IKZF2: variants seen among roughly 807,000 people sequenced by gnomAD.
IKZF2 encodes the protein zinc finger protein Helios.
Under a neutral mutation model 49.2 loss-of-function variants are expected in IKZF2, and 15 were observed. The ratio of observed to expected loss-of-function variants is 0.30; its 90% CI spans 0.20 to 0.47. IKZF2 has a LOEUF of 0.47. IKZF2 is among the 20% of genes least tolerant of loss of function. IKZF2 has a pLI of 1.00. For synonymous variants in IKZF2, 227 were observed against 221.4 expected, an observed-to-expected ratio of 1.03 and a Z score of -0.23; for missense variants, 567 against 664.6, an observed-to-expected ratio of 0.85 and a Z score of 1.61.
intron 4 of IKZF2, among the ~76,000 whole-genome samples, chr2:213,088,889 A>C (rs1704980323): frequency 6.6e-6 from 1 of 152,216 alleles, no homozygotes; most frequent in South Asian, 2.1e-4. Flanking sequence ...TTACCTTCAA[A>C]GAACCCAGTG....
In IKZF2 at chr2:213,002,419, TCCA is replaced by T. The variant is rs1330891314; in HGVS notation, c.*4938_*4940del. The T allele has an allele frequency of 6.6e-6, 1 of 151,466 alleles. No homozygotes were observed. Among genetic ancestry groups the T allele is most frequent in the East Asian group, 1.9e-4 (1 of 5,178 alleles). 9.4% of individuals were successfully genotyped at this position (151,466 alleles called of 1,614,324 possible). On this transcript the variant is annotated 3_prime_UTR_variant, in exon 9 of 9. Coordinates refer to ENST00000434687, the MANE Select transcript of IKZF2 (RefSeq NM_001387220.1). ...TATTACATAAAAACCTTATGGAAAT[TCCA>T]AAGTTTAAGGTTTCTGCAATAAATG...
intron 4 of IKZF2, among the ~76,000 whole-genome samples, chr2:213,107,490 T>A (rs1559283457): frequency 6.6e-6 from 1 of 152,184 alleles, no homozygotes; most frequent in Non-Finnish European, 1.5e-5. Context: ...CTCTAAATGT[T>A]TTTCTCACTG....
At chr2:213,040,475 C>G (rs1311115429) in intron 6 of IKZF2, among the ~76,000 whole-genome samples, 1 of 151,934 alleles carries the variant, frequency 6.6e-6, no homozygotes, top group African/African-American at 2.4e-5. Context: ...AAATTATACA[C>G]TCTTCTGTTT....
chr2:213,014,456 A>C (rs992251585), intron 7 of IKZF2: 1 of 152,432 alleles, frequency 6.6e-6, no homozygotes, highest in African/African-American at 2.4e-5. Context: ...AGTAGCTTAA[A>C]TACCTGCACC....
At chr2:213,019,075 A>G (rs966964288) in intron 7 of IKZF2, among the ~76,000 whole-genome samples, 1 of 152,184 alleles carries the variant, frequency 6.6e-6, no homozygotes, top group Non-Finnish European at 1.5e-5. Context: ...AATGTTCTAT[A>G]TAACTTGGCA....
intron 4 of IKZF2, among the ~76,000 whole-genome samples, chr2:213,075,221 G>C (rs1703127981): frequency 6.6e-6 from 1 of 152,020 alleles, no homozygotes; most frequent in Non-Finnish European, 1.5e-5. Flanking sequence ...AATCTCACTG[G>C]GAAAAGTTTT....
At chr2:213,138,837 T>G (rs2060769764) in intron 4 of IKZF2, among the ~76,000 whole-genome samples, 1 of 152,024 alleles carries the variant, frequency 6.6e-6, no homozygotes, top group Non-Finnish European at 1.5e-5. Context: ...TGAGACTGGT[T>G]TGGTGTTTTT....
chr2:213,089,430 C>A (rs1241590549), intron 4 of IKZF2, among the ~76,000 whole-genome samples: 1 of 152,154 alleles, frequency 6.6e-6, no homozygotes, highest in Non-Finnish European at 1.5e-5. Flanking sequence ...TGTCCACTCT[C>A]CACATGGGAC....
intron 4 of IKZF2, among the ~76,000 whole-genome samples, chr2:213,082,514 CTAA>C (rs1704063770): frequency 1.3e-5 from 2 of 152,114 alleles, no homozygotes; most frequent in South Asian, 4.1e-4. Context: ...AGAATCTGTG[CTAA>C]TGTTAGCAAT....
chr2:213,089,396 A>C (rs1270422396), intron 4 of IKZF2, among the ~76,000 whole-genome samples: 1 of 152,044 alleles, frequency 6.6e-6, no homozygotes, highest in Non-Finnish European at 1.5e-5. Flanking sequence ...CTCACAGGGC[A>C]CCTTGCTTGC....
chr2:213,128,575 T>A (rs183178746), intron 4 of IKZF2, among the ~76,000 whole-genome samples: 1 of 152,210 alleles, frequency 6.6e-6, no homozygotes, highest in African/African-American at 2.4e-5. Context: ...TAAGAGTGTA[T>A]CATGTAAAGC....
intron 4 of IKZF2, among the ~76,000 whole-genome samples, chr2:213,125,463 C>T (rs1016767828): frequency 6.6e-6 from 1 of 152,108 alleles, no homozygotes; most frequent in Non-Finnish European, 1.5e-5. Context: ...TACCATCTTC[C>T]CCCATTCAGA....
At chr2:213,049,980 T>C (rs1434408175) in intron 5 of IKZF2, 100 bp from the exon 6 acceptor site, 3 of 778,112 alleles carry the variant, frequency 3.9e-6, no homozygotes, top group South Asian at 4.1e-5. Flanking sequence ...ATGCTAAAAA[T>C]GTTCATCTCC....
At position 213,035,546 on chromosome 2, in the gene IKZF2, A is replaced by C. The variant is rs761907742; in HGVS notation, c.575-13416T>G. Among the ~76,000 whole-genome samples, 157 of 152,236 alleles carry C rather than the reference A, an allele frequency of 1.0e-3. 1 individual carries two copies. The highest frequency in any genetic ancestry group is 2.8e-4 in the Non-Finnish European group (19 of 68,036). On this transcript the variant is annotated intron_variant, in intron 6 of 8. Coordinates refer to ENST00000434687, the MANE Select transcript of IKZF2 (RefSeq NM_001387220.1). Reference sequence around the variant, plus strand: ...CTTATGGATGCCACTATTTTCAAAGAGATGACATTTAAACTAACATCTGAA... The same window carrying C: ...CTTATGGATGCCACTATTTTCAAAGCGATGACATTTAAACTAACATCTGAA...
At position 213,002,041 on chromosome 2, in the gene IKZF2, C is replaced by T. The variant is rs1213203517; in HGVS notation, c.*5319G>A. On this transcript the variant is annotated 3_prime_UTR_variant, in exon 9 of 9. Coordinates refer to ENST00000434687, the MANE Select transcript of IKZF2 (RefSeq NM_001387220.1). ...ACCTCCACCTGCTCAAGAAGCTTTT[C>T]TTACTATCTGTCACTTGAGGTAATT... is the stretch of plus-strand genomic sequence containing the variant. 1.3e-5 allele frequency: 2 copies of T among 151,436 alleles called. No homozygotes were observed. The highest frequency in any genetic ancestry group is 2.4e-5 in the African/African-American group (1 of 41,378). 9.4% of individuals were successfully genotyped at this position (151,436 alleles called of 1,614,324 possible). A position where few individuals can be genotyped will look rare whatever the true frequency, so the allele number is the denominator to read the frequency against.
At chr2:213,140,165 T>C (rs16849840) in intron 4 of IKZF2, among the ~76,000 whole-genome samples, 3,295 of 151,994 alleles carry the variant, frequency 0.022, 125 homozygotes, top group African/African-American at 0.075. Context: ...GAAGTGTTTC[T>C]AGCATTAACA....
intron 4 of IKZF2, among the ~76,000 whole-genome samples, chr2:213,068,719 C>T (rs1561668): frequency 0.049 from 7,377 of 152,054 alleles, 315 homozygotes; most frequent in African/African-American, 0.12. Flanking sequence ...TAGGTAAAAG[C>T]ATGTTTAAAT....
At chr2:213,113,191 G>T (rs1449866113) in intron 4 of IKZF2, among the ~76,000 whole-genome samples, 1 of 152,128 alleles carries the variant, frequency 6.6e-6, no homozygotes. Context: ...TCATTAAGTT[G>T]TCTCTTTTAT....
At chr2:213,141,658 T>C (rs2060877823) in intron 4 of IKZF2, among the ~76,000 whole-genome samples, 1 of 151,854 alleles carries the variant, frequency 6.6e-6, no homozygotes, top group African/African-American at 2.4e-5. Context: ...CTCTAAAAAA[T>C]ATTTCCAAAT....
Sources: allele counts gnomAD v4.1 joint callset (sites outside exome capture counted in the v4.1 genomes callset), GRCh38; gene constraint gnomAD v4.1.1; transcripts MANE v1.5; gene names NCBI Gene and HGNC (gene_info 2026-07-23, HGNC 2026-07-21).